Variants in ASB5 observed in about 807,000 individuals in gnomAD.
ASB5 encodes ankyrin repeat and SOCS box containing 5, also known as ankyrin repeat and SOCS box protein 5.
A neutral mutation model predicts 42.1 loss-of-function variants in ASB5; 45 were observed. The ratio of observed to expected loss-of-function variants is 1.07; its 90% CI spans 0.84 to 1.37. The LOEUF (loss-of-function observed/expected upper bound fraction) is 1.37, where lower values mean the gene tolerates loss of function less well. Ranked by LOEUF, ASB5 falls within the 40% of genes most tolerant of loss-of-function variation. The probability of loss-of-function intolerance (pLI) is 0.00; values close to 1 mark genes in which losing one functional copy is unlikely to be tolerated. For synonymous variants in ASB5, 147 were observed against 150.6 expected, an observed-to-expected ratio of 0.98 and a Z score of 0.18; for missense variants, 402 against 399.8, an observed-to-expected ratio of 1.01 and a Z score of -0.05.
intron 1 of ASB5, among the ~76,000 whole-genome samples, chr4:176,263,908 T>C (rs1245021311): frequency 6.6e-6 from 1 of 152,134 alleles, no homozygotes; most frequent in African/African-American, 2.4e-5. Flanking sequence ...AAAAAAAAGA[T>C]ATTACATCAA....
At chr4:176,235,971 T>G (rs1303330728) in intron 1 of ASB5, among the ~76,000 whole-genome samples, 1 of 152,148 alleles carries the variant, frequency 6.6e-6, no homozygotes, top group Non-Finnish European at 1.5e-5. Flanking sequence ...TGCCTCAGCC[T>G]TCTGAGTCAC....
upstream of ASB5, among the ~76,000 whole-genome samples, chr4:176,272,103 G>C (rs1180573708): frequency 6.6e-6 from 1 of 152,172 alleles, no homozygotes; most frequent in Non-Finnish European, 1.5e-5. Context: ...CGCTTACTAA[G>C]TGGGAATAAA....
intron 1 of ASB5, among the ~76,000 whole-genome samples, chr4:176,226,193 G>A (rs1753373832): frequency 6.6e-6 from 1 of 152,174 alleles, no homozygotes; most frequent in Non-Finnish European, 1.5e-5. Context: ...GCTGCTTGCA[G>A]TATGGATGGG....
At chr4:176,252,296 T>C (rs1317864686) in intron 1 of ASB5, among the ~76,000 whole-genome samples, 1 of 152,186 alleles carries the variant, frequency 6.6e-6, no homozygotes, top group East Asian at 1.9e-4. Flanking sequence ...GAAAATTAAC[T>C]TCCAGAATCA....
At chr4:176,268,865 T>A (rs764015152) in intron 1 of ASB5, 48 bp downstream of exon 1, 7 of 1,414,788 alleles carry the variant, frequency 4.9e-6, no homozygotes, top group Non-Finnish European at 6.6e-6. Flanking sequence ...GTGGATCAGA[T>A]GAAAGTTAAA....
At chr4:176,229,504 G>A (rs1173286566) in intron 1 of ASB5, among the ~76,000 whole-genome samples, 1 of 152,152 alleles carries the variant, frequency 6.6e-6, no homozygotes, top group Non-Finnish European at 1.5e-5. Flanking sequence ...AGGGTTGAGA[G>A]AGAGAGAGAA....
At chr4:176,246,547 C>CA (rs1468561689) in intron 1 of ASB5, among the ~76,000 whole-genome samples, 1 of 152,134 alleles carries the variant, frequency 6.6e-6, no homozygotes, top group Non-Finnish European at 1.5e-5. Context: ...AACTGTTTCT[C>CA]CAGATATTAA....
intron 1 of ASB5, among the ~76,000 whole-genome samples, chr4:176,261,739 A>C (rs1754271128): frequency 6.6e-6 from 1 of 152,082 alleles, no homozygotes; most frequent in Non-Finnish European, 1.5e-5. Flanking sequence ...GCAAAACTTG[A>C]CTGTTTTCCT....
chr4:176,262,030 T>A (rs927579767), intron 1 of ASB5, among the ~76,000 whole-genome samples: 1 of 152,016 alleles, frequency 6.6e-6, no homozygotes, highest in Non-Finnish European at 1.5e-5. Context: ...AGAGTAGATA[T>A]CCCAGTATTT....
intron 1 of ASB5, among the ~76,000 whole-genome samples, chr4:176,250,060 A>G (rs1292180973): frequency 1.5e-4 from 14 of 96,438 alleles, no homozygotes; most frequent in South Asian, 6.3e-4. Context: ...GTGAGACTCC[A>G]TCTCAAAAAA....
intron 1 of ASB5, among the ~76,000 whole-genome samples, chr4:176,235,612 G>A (rs531732177): frequency 1.3e-5 from 2 of 152,166 alleles, no homozygotes; most frequent in East Asian, 3.9e-4. Flanking sequence ...GTGGCTTTTA[G>A]TTTTGGGAAA....
At chr4:176,221,376 G>C (rs963509607) in intron 4 of ASB5, 74 bp downstream of exon 4, 2 of 1,596,292 alleles carry the variant, frequency 1.3e-6, no homozygotes, top group Non-Finnish European at 8.5e-7. Context: ...GTCATTCATT[G>C]AAAGATCAAC....
intron 1 of ASB5, among the ~76,000 whole-genome samples, chr4:176,226,483 A>G (rs1753382230): frequency 6.6e-6 from 1 of 152,100 alleles, no homozygotes; most frequent in Non-Finnish European, 1.5e-5. Context: ...CAGCCTGTTG[A>G]GGGACTTCTC....
intron 1 of ASB5, among the ~76,000 whole-genome samples, chr4:176,233,706 A>C (rs946067523): frequency 6.6e-6 from 1 of 152,102 alleles, no homozygotes; most frequent in Non-Finnish European, 1.5e-5. Flanking sequence ...ATCCAAGCTC[A>C]GTCTTTGCAT....
intron 2 of ASB5, among the ~76,000 whole-genome samples, chr4:176,223,031 G>GCA (rs1228354884): frequency 2.0e-5 from 3 of 151,806 alleles, no homozygotes; most frequent in Non-Finnish European, 4.4e-5. Flanking sequence ...ACCCACCTTG[G>GCA]CCTCCCAAAG....
Position 176,217,420 on chromosome 4 carries a change from G to A in ASB5, c.671-411C>T, listed in dbSNP as rs904578014. Among the ~76,000 whole-genome samples, 20 of 152,026 alleles carry A rather than the reference G, an allele frequency of 1.3e-4. 2 individuals are homozygous for A. In the South Asian group the frequency reaches 2.5e-3, roughly 19 times the overall value. ...GGTTGATAGCTTTTAGAATTATTCA[G>A]GTGCTTATTTCTATTATTCTTTTCA... On this transcript the variant is annotated intron_variant, in intron 5 of 6. Coordinates refer to ENST00000296525, the MANE Select transcript of ASB5 (RefSeq NM_080874.4).
chr4:176,232,998 G>A lies in ASB5; in HGVS notation c.197-7657C>T, dbSNP rs1481338892. Among the ~76,000 whole-genome samples the A allele has an allele frequency of 4.6e-5, 7 of 152,248 alleles. No individual in the cohort carries two copies. The South Asian group carries it at 8.3e-4, about 18-fold the overall frequency. ...TCCAGCATAGATATTTACTAGTTAT[G>A]TGACCTTTGGCAGTTAACATCTTGA... is the stretch of plus-strand genomic sequence containing the variant. On this transcript the variant is annotated intron_variant, in intron 1 of 6. Transcript: ENST00000296525.
rs1752982678 is a variant in ASB5, at chr4:176,216,829, A to G, written c.851T>C (p.Leu284Pro). The G allele has an allele frequency of 1.9e-6, 3 of 1,583,292 alleles. No homozygotes were observed. Among genetic ancestry groups the G allele is most frequent in the Middle Eastern group, 1.8e-4 (1 of 5,664 alleles). ...TSSSMVERIL[L>P]QHEATPSSLY... ...TGTATTTTTCTTACCTTCATGTTGA[A>G]GCAATATCCTTTCCACCATACTGCT... The change falls in exon 6 of 7, where the codon CTT becomes CCT. Residue 284 changes from leucine (L) to proline (P), a missense_variant. Transcript: ENST00000296525.
At chr4:176,225,434 A>G (rs935912689) in intron 1 of ASB5, 93 bp from the exon 2 acceptor site, 11 of 1,066,588 alleles carry the variant, frequency 1.0e-5, no homozygotes, top group African/African-American at 4.8e-5. Context: ...GATCACATAA[A>G]TTATTCACAC....
Sources: gnomAD v4.1 joint callset for allele counts (sites outside exome capture counted in the v4.1 genomes callset) on GRCh38, gnomAD v4.1.1 for gene constraint, MANE v1.5 for transcripts, NCBI Gene and HGNC (gene_info 2026-07-23, HGNC 2026-07-21) for gene names.